The following HSPA12A variants were observed in gnomAD, a reference collection of about 807,000 sequenced individuals.
The protein encoded by HSPA12A is heat shock 70 kDa protein 12A.
A neutral mutation model predicts 69.2 loss-of-function variants in HSPA12A; 28 were observed. The observed-to-expected ratio is 0.40, with a 90% CI of 0.30 to 0.55. The LOEUF is 0.55. Among genes scored for constraint, HSPA12A ranks in the 20% least tolerant of loss-of-function variants. The pLI, the probability that HSPA12A is intolerant of heterozygous loss-of-function variation, is 0.38. For synonymous variants in HSPA12A, 345 were observed against 370.5 expected, an observed-to-expected ratio of 0.93 and a Z score of 0.79; for missense variants, 686 against 900.7, an observed-to-expected ratio of 0.76 and a Z score of 3.05.
At chr10:116,742,382 C>T in intron 1 of HSPA12A, 48 bp downstream of exon 1, 1 of 1,424,960 alleles carries the variant, frequency 7.0e-7, no homozygotes, top group Non-Finnish European at 9.2e-7. Flanking sequence ...CGCCTCCTCC[C>T]TCCCTGCCCC....
At chr10:116,794,541 G>A (rs1844776841) in intron 2 of HSPA12A, among the ~76,000 whole-genome samples, 1 of 152,160 alleles carries the variant, frequency 6.6e-6, no homozygotes, top group African/African-American at 2.4e-5. Context: ...GGCCAGGCGA[G>A]GTGTAATCAT....
rs1554880278 is a variant in HSPA12A at position 116,692,467 on chromosome 10, C to T, written c.547G>A (p.Glu183Lys). Residue 183 changes from glutamate (E) to lysine (K), a missense_variant and splice_region_variant, in exon 6 of 12, where the codon GAG (glutamate) becomes AAG (lysine). Glu to Lys is a moderately conservative substitution (Grantham distance 56). Coordinates refer to ENST00000369209, the MANE Select transcript of HSPA12A (RefSeq NM_025015.3). ...LQYFKEQALK[E>K]LSDQAGSEFE... is the part of the protein sequence containing the mutation. ...TCCGAACCCGCCTGGTCACTCAGCT[C>T]CTGAAGCCAAGGGAAAGAAATGCAA... The T allele has an allele frequency of 6.2e-7, 1 of 1,612,848 alleles. No individual in the cohort carries two copies. The highest frequency in any genetic ancestry group is 1.7e-5 in the Admixed American group (1 of 60,006).
chr10:116,734,054 C>G (rs543490106), intron 1 of HSPA12A, among the ~76,000 whole-genome samples: 1 of 152,110 alleles, frequency 6.6e-6, no homozygotes, highest in Non-Finnish European at 1.5e-5. Context: ...ACCTTGCTAC[C>G]GGAACCTTTC....
At chr10:116,815,912 G>C (rs1051904637) in intron 2 of HSPA12A, among the ~76,000 whole-genome samples, 2 of 152,244 alleles carry the variant, frequency 1.3e-5, no homozygotes, top group Admixed American at 1.3e-4. Flanking sequence ...TCTCCCTCTC[G>C]GCCCCCGCGG....
intron 2 of HSPA12A, among the ~76,000 whole-genome samples, chr10:116,758,047 A>G (rs1404714287): frequency 6.6e-6 from 1 of 152,200 alleles, no homozygotes; most frequent in African/African-American, 2.4e-5. Flanking sequence ...AATAAGTAAC[A>G]TGTTTTTCTT....
chr10:116,791,699 C>T (rs1468187583), intron 2 of HSPA12A, among the ~76,000 whole-genome samples: 1 of 152,160 alleles, frequency 6.6e-6, no homozygotes, highest in Non-Finnish European at 1.5e-5. Flanking sequence ...CCCCCATTTT[C>T]CCTAAGATGC....
intron 6 of HSPA12A, among the ~76,000 whole-genome samples, chr10:116,689,365 C>G (rs1849669564): frequency 6.6e-6 from 1 of 152,066 alleles, no homozygotes; most frequent in South Asian, 2.1e-4. Context: ...GCCACTCTAC[C>G]TCATCCTTCC....
chr10:116,799,284 T>C (rs1017015906), intron 2 of HSPA12A, among the ~76,000 whole-genome samples: 3 of 152,220 alleles, frequency 2.0e-5, no homozygotes, highest in Non-Finnish European at 4.4e-5. Context: ...TCAGGGCTTT[T>C]CCCTGAAAAC....
chr10:116,845,572 T>C (rs982661958), intron 1 of HSPA12A, among the ~76,000 whole-genome samples: 1 of 152,182 alleles, frequency 6.6e-6, no homozygotes, highest in Non-Finnish European at 1.5e-5. Flanking sequence ...TCCGTGGATA[T>C]GTTCCAGGAA....
chr10:116,740,779 C>T (rs1851475372), intron 1 of HSPA12A, among the ~76,000 whole-genome samples: 2 of 151,074 alleles, frequency 1.3e-5, no homozygotes, highest in African/African-American at 2.4e-5. Context: ...GGAGTGGGTA[C>T]ACATTCCTGC....
At chr10:116,746,067 G>A (rs976521801), upstream of HSPA12A, among the ~76,000 whole-genome samples, 1 of 151,944 alleles carries the variant, frequency 6.6e-6, no homozygotes, top group Non-Finnish European at 1.5e-5. Flanking sequence ...GGTGCCTGGC[G>A]CAGAGAGCAA....
intron 2 of HSPA12A, among the ~76,000 whole-genome samples, chr10:116,772,557 C>A (rs955942110): frequency 1.3e-5 from 2 of 152,192 alleles, no homozygotes; most frequent in African/African-American, 4.8e-5. Flanking sequence ...CTTGAAGGCA[C>A]GAGAGCAAAT....
At chr10:116,832,177 GT>G (rs35316482) in intron 2 of HSPA12A, 3 of 150,906 alleles carry the variant, frequency 2.0e-5, no homozygotes, top group Non-Finnish European at 3.0e-5. Flanking sequence ...TGTTTTTTTG[GT>G]TTTTTTTTGA....
intron 2 of HSPA12A, among the ~76,000 whole-genome samples, chr10:116,793,625 C>T (rs1369757964): frequency 1.3e-5 from 2 of 152,002 alleles, no homozygotes; most frequent in Non-Finnish European, 2.9e-5. Context: ...GACATCACAA[C>T]AATGGCATGC....
chr10:116,742,641 C>T (rs1851553680), upstream of HSPA12A: 20 of 999,670 alleles, frequency 2.0e-5, no homozygotes, highest in Non-Finnish European at 2.4e-5. Flanking sequence ...GGCCCCGCCC[C>T]GGCCCGCCCG....
chr10:116,707,512 A>G lies in HSPA12A; in HGVS notation c.41-227T>C, dbSNP rs563865400. 1.6e-4 allele frequency among the ~76,000 whole-genome samples: 25 copies of G among 152,336 alleles called. No individual in the cohort carries two copies. The South Asian group carries it at 4.1e-3, about 25-fold the overall frequency. Reference sequence around the variant, plus strand: ...CCAAATGAGATGCTCCTTTCCTCCCAGTCGCCACCAGGCCTCTCACTCTGT... The same window carrying G: ...CCAAATGAGATGCTCCTTTCCTCCCGGTCGCCACCAGGCCTCTCACTCTGT... On this transcript the variant is annotated intron_variant, in intron 1 of 11. Transcript: ENST00000369209.
At chr10:116,712,281 C>A (rs1487844845) in intron 1 of HSPA12A, among the ~76,000 whole-genome samples, 7 of 152,132 alleles carry the variant, frequency 4.6e-5, no homozygotes, top group Admixed American at 4.6e-4. Context: ...AACACCCCAC[C>A]CCAACACATT....
intron 1 of HSPA12A, among the ~76,000 whole-genome samples, chr10:116,725,984 T>C (rs1589663665): frequency 6.6e-6 from 1 of 151,276 alleles, no homozygotes; most frequent in South Asian, 2.1e-4. Context: ...GTTTTCTATC[T>C]GAATATTCAT....
chr10:116,736,729 T>G (rs782688798), intron 1 of HSPA12A, among the ~76,000 whole-genome samples: 1 of 152,092 alleles, frequency 6.6e-6, no homozygotes, highest in Non-Finnish European at 1.5e-5. Flanking sequence ...GGCAATGAAA[T>G]GGATTATCCC....
Sources: allele counts gnomAD v4.1 joint callset (sites outside exome capture counted in the v4.1 genomes callset), GRCh38; gene constraint gnomAD v4.1.1; transcripts MANE v1.5; gene names NCBI Gene and HGNC (gene_info 2026-07-23, HGNC 2026-07-21).